EPHA5: variants seen among roughly 807,000 people sequenced by gnomAD.
EPHA5 encodes EPH receptor A5.
A neutral mutation model predicts 105.0 loss-of-function variants in EPHA5; 60 were observed. The observed-to-expected ratio is 0.57, with a 90% CI of 0.46 to 0.71. The LOEUF (loss-of-function observed/expected upper bound fraction) is 0.71, where lower values mean the gene tolerates loss of function less well. EPHA5 is among the 30% of genes least tolerant of loss of function. The probability of loss-of-function intolerance (pLI) is 0.00; values close to 1 mark genes in which losing one functional copy is unlikely to be tolerated. For missense variants in EPHA5, 1,218 were observed against 1,274.7 expected (o/e 0.96, Z 0.68); for synonymous variants, 513 against 449.1 (o/e 1.14, Z -1.80).
chr4:65,422,751 C>T (rs1724057379), intron 5 of EPHA5, among the ~76,000 whole-genome samples: 1 of 152,068 alleles, frequency 6.6e-6, no homozygotes, highest in East Asian at 1.9e-4. Context: ...TACTACAGTT[C>T]CCATTATGAA....
At chr4:65,415,208 C>A (rs945807401) in intron 6 of EPHA5, among the ~76,000 whole-genome samples, 4 of 152,054 alleles carry the variant, frequency 2.6e-5, no homozygotes, top group Admixed American at 1.3e-4. Context: ...ACCAACTTTA[C>A]CATGGATACA....
chr4:65,447,529 A>T (rs1465783703), intron 5 of EPHA5, among the ~76,000 whole-genome samples: 1 of 151,272 alleles, frequency 6.6e-6, no homozygotes, highest in African/African-American at 2.4e-5. Flanking sequence ...TGAAGCCTAG[A>T]CTTGAGTGAT....
intron 3 of EPHA5, among the ~76,000 whole-genome samples, chr4:65,600,986 A>T (rs991512920): frequency 2.6e-5 from 4 of 152,110 alleles, no homozygotes; most frequent in African/African-American, 9.7e-5. Context: ...CCCAGGGCAA[A>T]TTGCTTTAAA....
At chr4:65,512,608 G>A (rs899142359) in intron 3 of EPHA5, among the ~76,000 whole-genome samples, 1 of 151,954 alleles carries the variant, frequency 6.6e-6, no homozygotes, top group African/African-American at 2.4e-5. Flanking sequence ...TCTCCTTCAC[G>A]GTCTACCATG....
chr4:65,500,310 T>A (rs996226774), intron 3 of EPHA5, among the ~76,000 whole-genome samples: 3 of 151,348 alleles, frequency 2.0e-5, no homozygotes, highest in Non-Finnish European at 4.4e-5. Flanking sequence ...ACATGTTTCA[T>A]GAGACTATTG....
intron 1 of EPHA5, among the ~76,000 whole-genome samples, chr4:65,667,450 A>G (rs916337291): frequency 6.6e-6 from 1 of 152,158 alleles, no homozygotes; most frequent in Non-Finnish European, 1.5e-5. Context: ...TCAGAGCACC[A>G]GGTGGTAAGG....
chr4:65,530,847 G>A (rs1305769421), intron 3 of EPHA5, among the ~76,000 whole-genome samples: 2 of 152,122 alleles, frequency 1.3e-5, no homozygotes, highest in African/African-American at 4.8e-5. Flanking sequence ...TATATTGGAT[G>A]TAACAGTGTG....
intron 3 of EPHA5, among the ~76,000 whole-genome samples, chr4:65,496,394 C>A (rs1323620218): frequency 1.5e-5 from 2 of 133,888 alleles, no homozygotes; most frequent in African/African-American, 5.6e-5. Context: ...CCCACCCCAC[C>A]ACAGGCCCCA....
At chr4:65,418,343 A>T (rs116198244) in intron 6 of EPHA5, among the ~76,000 whole-genome samples, 1,659 of 152,210 alleles carry the variant, frequency 0.011, 36 homozygotes, top group African/African-American at 0.038. Context: ...TAAATTGTAG[A>T]CCTCTGGAAT....
intron 14 of EPHA5, among the ~76,000 whole-genome samples, chr4:65,343,417 G>T (rs1057481836): frequency 3.7e-4 from 56 of 152,248 alleles, no homozygotes; most frequent in Non-Finnish European, 7.4e-4. Context: ...CACAGAGGAA[G>T]ATCTCCTCTG....
In EPHA5 at chr4:65,320,061, G is replaced by T; in HGVS notation, c.*4053C>A. ...TAAACAGACTTTTTTTCTTTTAAAAGAATTGGTATCTTCTTCTAAGCAATG... is the reference window on the plus strand; with the variant it reads ...TAAACAGACTTTTTTTCTTTTAAAATAATTGGTATCTTCTTCTAAGCAATG... On this transcript the variant is annotated 3_prime_UTR_variant, in exon 17 of 17. Coordinates refer to ENST00000613740, the MANE Select transcript of EPHA5 (RefSeq NM_001281766.3). 4.3e-6 allele frequency: 1 copy of T among 230,068 alleles called. No homozygotes were observed. Among genetic ancestry groups the T allele is most frequent in the Non-Finnish European group, 8.6e-6 (1 of 116,032 alleles). 14.3% of individuals were successfully genotyped at this position (230,068 alleles called of 1,614,324 possible). A position where few individuals can be genotyped will look rare whatever the true frequency, so the allele number is the denominator to read the frequency against.
rs1215080818 is a variant in EPHA5 at position 65,320,278 on chromosome 4, T to G, written c.*3836A>C. On this transcript the variant is annotated 3_prime_UTR_variant, in exon 17 of 17. Coordinates refer to ENST00000613740, the MANE Select transcript of EPHA5 (RefSeq NM_001281766.3). ...GAGTTGAAAAAATGATGACTTATTTTACTTATTAATGTCAAATAAAGCTAG... is the reference window on the plus strand; with the variant it reads ...GAGTTGAAAAAATGATGACTTATTTGACTTATTAATGTCAAATAAAGCTAG... The G allele has an allele frequency of 4.3e-6, 1 of 230,378 alleles. No individual in the cohort carries two copies. Among genetic ancestry groups the G allele is most frequent in the East Asian group, 6.1e-5 (1 of 16,266 alleles). 14.3% of individuals were successfully genotyped at this position (230,378 alleles called of 1,614,324 possible). A position where few individuals can be genotyped will look rare whatever the true frequency, so the allele number is the denominator to read the frequency against.
At chr4:65,636,686 TC>T (rs761623134) in intron 2 of EPHA5, among the ~76,000 whole-genome samples, 6 of 152,188 alleles carry the variant, frequency 3.9e-5, no homozygotes, top group Non-Finnish European at 8.8e-5. Context: ...GAATACGTGC[TC>T]TTCCCAGGTG....
intron 5 of EPHA5, among the ~76,000 whole-genome samples, chr4:65,465,253 A>G (rs1728500476): frequency 1.3e-5 from 2 of 151,642 alleles, no homozygotes; most frequent in South Asian, 4.2e-4. Context: ...CTGGTCAAAT[A>G]GTGAAACCCC....
chr4:65,584,256 A>T (rs1197548468), intron 3 of EPHA5, among the ~76,000 whole-genome samples: 2 of 151,922 alleles, frequency 1.3e-5, no homozygotes, highest in Non-Finnish European at 2.9e-5. Flanking sequence ...CTCTTCTGTG[A>T]CTAAATCTCT....
chr4:65,516,986 T>G (rs1291961073), intron 3 of EPHA5, among the ~76,000 whole-genome samples: 1 of 152,132 alleles, frequency 6.6e-6, no homozygotes, highest in East Asian at 1.9e-4. Context: ...TAGGTCCCAT[T>G]GGCTTATAAT....
At chr4:65,589,245 C>CA (rs1742407441) in intron 3 of EPHA5, among the ~76,000 whole-genome samples, 1 of 126,000 alleles carries the variant, frequency 7.9e-6, no homozygotes, top group Admixed American at 7.4e-5. Flanking sequence ...TGCTAACAGA[C>CA]GTTTTTTTTT....
At chr4:65,446,975 A>ATTTTT (rs397993760) in intron 5 of EPHA5, among the ~76,000 whole-genome samples, 7 of 112,916 alleles carry the variant, frequency 6.2e-5, no homozygotes, top group East Asian at 2.4e-4. Flanking sequence ...TTAAAAGCTC[A>ATTTTT]TTTTTTTTTT....
At chr4:65,436,060 G>A (rs998182303) in intron 5 of EPHA5, among the ~76,000 whole-genome samples, 24 of 151,978 alleles carry the variant, frequency 1.6e-4, no homozygotes, top group African/African-American at 4.8e-4. Context: ...CCTTAGTAAC[G>A]AAATAACTAT....
Sources: allele counts gnomAD v4.1 joint callset (sites outside exome capture counted in the v4.1 genomes callset), GRCh38; gene constraint gnomAD v4.1.1; transcripts MANE v1.5; gene names NCBI Gene and HGNC (gene_info 2026-07-23, HGNC 2026-07-21).